The following PRRG1 variants were observed in gnomAD, a reference collection of about 807,000 sequenced individuals.
The protein encoded by PRRG1 is proline rich and Gla domain 1.
A neutral mutation model predicts 11.8 loss-of-function variants in PRRG1; 5 were observed. The observed-to-expected ratio is 0.42, with a 90% confidence interval of 0.22 to 0.89. The LOEUF (loss-of-function observed/expected upper bound fraction) is 0.89, where lower values mean the gene tolerates loss of function less well. Ranked by LOEUF, PRRG1 falls within the 40% of genes least tolerant of loss-of-function variation. The probability of loss-of-function intolerance (pLI) is 0.28; values close to 1 mark genes in which losing one functional copy is unlikely to be tolerated. For synonymous variants in PRRG1, 66 were observed against 60.4 expected (o/e 1.09, Z -0.43); for missense variants, 155 against 166.1 (o/e 0.93, Z 0.37).
chrX:37,420,400 C>G (rs782700900), intron 2 of PRRG1, among the ~76,000 whole-genome samples: 7 of 111,335 alleles, frequency 6.3e-5, no homozygotes, highest in Admixed American at 9.6e-5. Context: ...CACAATAGGT[C>G]TAGAGGAGAG....
chrX:37,387,809 C>T (rs1431117506), intron 1 of PRRG1, among the ~76,000 whole-genome samples: 1 of 111,297 alleles, frequency 9.0e-6, no homozygotes, highest in African/African-American at 3.3e-5. Flanking sequence ...AATAGTCCCC[C>T]AAAATCTTAA....
chrX:37,360,834 T>G (rs1556367402), intron 1 of PRRG1, among the ~76,000 whole-genome samples: 1 of 112,533 alleles, frequency 8.9e-6, no homozygotes, highest in African/African-American at 3.2e-5. Flanking sequence ...ACCATAGAAA[T>G]AATGTTGCCA....
chrX:37,436,305 A>C (rs782033916), intron 3 of PRRG1, among the ~76,000 whole-genome samples: 1 of 112,260 alleles, frequency 8.9e-6, no homozygotes, highest in East Asian at 2.8e-4. Flanking sequence ...ATTGATATCC[A>C]AGGATCTGAG....
intron 3 of PRRG1, among the ~76,000 whole-genome samples, chrX:37,443,183 G>A (rs1933015967): frequency 9.0e-6 from 1 of 111,286 alleles, no homozygotes; most frequent in African/African-American, 3.3e-5. Context: ...TTTTGGACAA[G>A]GTGACAAGTT....
intron 3 of PRRG1, 104 bp downstream of exon 3, chrX:37,426,104 T>G: frequency 8.8e-6 from 8 of 910,333 alleles, no homozygotes; most frequent in Non-Finnish European, 1.2e-5. Context: ...CAATTAAAAA[T>G]TCCTTTGTTA....
At chrX:37,351,310 T>C (rs1556364800) in intron 1 of PRRG1, among the ~76,000 whole-genome samples, 1 of 110,472 alleles carries the variant, frequency 9.1e-6, no homozygotes, top group South Asian at 3.9e-4. Context: ...CTGGCTAACA[T>C]GGTGAAACCC....
At chrX:37,430,177 G>C (rs1932812728) in intron 3 of PRRG1, among the ~76,000 whole-genome samples, 1 of 111,515 alleles carries the variant, frequency 9.0e-6, no homozygotes, top group African/African-American at 3.3e-5. Context: ...GTAATATTTA[G>C]AAACTGAGAT....
chrX:37,452,863 A>G (rs933518915), intron 3 of PRRG1, among the ~76,000 whole-genome samples: 5 of 112,359 alleles, frequency 4.5e-5, no homozygotes, highest in African/African-American at 1.3e-4. Flanking sequence ...TTTTCCCTCT[A>G]AAGTATCATA....
chrX:37,412,196 C>G (rs182878760), intron 2 of PRRG1, among the ~76,000 whole-genome samples: 1 of 111,818 alleles, frequency 8.9e-6, no homozygotes, highest in African/African-American at 3.2e-5. Context: ...AGCATAATTC[C>G]TCTGGGTCCT....
intron 1 of PRRG1, among the ~76,000 whole-genome samples, chrX:37,401,668 TC>T (rs1931985262): frequency 9.0e-6 from 1 of 111,196 alleles, no homozygotes; most frequent in African/African-American, 3.3e-5. Flanking sequence ...TAAAGGGTAT[TC>T]AATTAGGAAA....
At chrX:37,372,468 T>A (rs1402087651) in intron 1 of PRRG1, among the ~76,000 whole-genome samples, 1 of 111,585 alleles carries the variant, frequency 9.0e-6, no homozygotes, top group Non-Finnish European at 1.9e-5. Flanking sequence ...CATGCCCAGC[T>A]AATTTTTTTG....
At position 37,453,270 on chromosome X, in the gene PRRG1, G is replaced by A; in HGVS notation, c.306G>A (p.Trp102Ter). 1 of 1,210,071 alleles carries A rather than the reference G, an allele frequency of 8.3e-7. No homozygotes were observed. The highest frequency in any genetic ancestry group is 1.1e-6 in the Non-Finnish European group (1 of 894,529). ...TCCTCCTTGTCATTTTCCTAATCTG[G>A]AGATGCTTCCTAAGAAACAAAACTC... ...FIILLVIFLI[W>*]RCFLRNKTRR... is the part of the protein sequence containing the mutation. Residue 102 changes from tryptophan to a stop codon, truncating the protein, a stop_gained, in exon 4 of 4, where the codon TGG (tryptophan) becomes TGA (stop). Coordinates refer to ENST00000378628, the MANE Select transcript of PRRG1 (RefSeq NM_001142395.2). LOFTEE classifies it high-confidence loss of function.
chrX:37,367,254 A>G (rs943296632), intron 1 of PRRG1, among the ~76,000 whole-genome samples: 5 of 112,394 alleles, frequency 4.4e-5, no homozygotes, highest in Non-Finnish European at 9.4e-5. Context: ...TAGGCATTTA[A>G]GGCATTTTTG....
intron 1 of PRRG1, among the ~76,000 whole-genome samples, chrX:37,370,373 G>A (rs142825929): frequency 0.013 from 1,401 of 111,798 alleles, 19 homozygotes; most frequent in African/African-American, 0.039. Flanking sequence ...AATTGATGGC[G>A]CAGTGGCCCA....
chrX:37,395,236 C>A (rs189772565), intron 1 of PRRG1, among the ~76,000 whole-genome samples: 1 of 112,031 alleles, frequency 8.9e-6, no homozygotes, highest in Non-Finnish European at 1.9e-5. Context: ...AAAACCCATG[C>A]TCTTACCTGT....
chrX:37,441,860 A>G, intron 3 of PRRG1: 1 of 781,147 alleles, frequency 1.3e-6, no homozygotes, highest in South Asian at 6.0e-5. Flanking sequence ...AGTGTCAACC[A>G]GAGCCTCCTG....
chrX:37,453,540 A>T lies in PRRG1; in HGVS notation c.576A>T (p.Pro192=), dbSNP rs1232336515. 1 of 1,208,033 alleles carries T rather than the reference A, an allele frequency of 8.3e-7. No individual in the cohort carries two copies. The highest frequency in any genetic ancestry group is 1.1e-6 in the Non-Finnish European group (1 of 893,725). Reference sequence around the variant, plus strand: ...GTGAAACAGAACCTCATTTAGACCCACCCCCAGAGTATGAGGACATAGTCA... The same window carrying T: ...GTGAAACAGAACCTCATTTAGACCCTCCCCCAGAGTATGAGGACATAGTCA... ...QRSETEPHLD[P]PPEYEDIVNS... Residue 192 remains proline (P), a synonymous_variant, in exon 4 of 4, where the codon CCA becomes CCT. Transcript: ENST00000378628.
At chrX:37,390,682 C>T (rs1050071002) in intron 1 of PRRG1, among the ~76,000 whole-genome samples, 5 of 112,122 alleles carry the variant, frequency 4.5e-5, no homozygotes, top group Non-Finnish European at 7.5e-5. Flanking sequence ...CTCTTACTGT[C>T]ACAGAGTGTC....
intron 2 of PRRG1, among the ~76,000 whole-genome samples, chrX:37,412,708 G>A (rs1932381153): frequency 9.2e-6 from 1 of 108,599 alleles, no homozygotes; most frequent in African/African-American, 3.3e-5. Flanking sequence ...AAAAAAAAAA[G>A]AACTAACGGA....
Sources: gnomAD v4.1 joint callset for allele counts (sites outside exome capture counted in the v4.1 genomes callset) on GRCh38, gnomAD v4.1.1 for gene constraint, MANE v1.5 for transcripts, NCBI Gene and HGNC (gene_info 2026-07-23, HGNC 2026-07-21) for gene names.